TM9SF3: variants seen among roughly 807,000 people sequenced by gnomAD.
TM9SF3 encodes SM-11044-binding protein.
A neutral mutation model predicts 78.6 loss-of-function variants in TM9SF3; 14 were observed. The observed-to-expected ratio is 0.18, with a 90% CI of 0.12 to 0.28. The LOEUF is 0.28. TM9SF3 is among the 10% of genes least tolerant of loss of function. The probability of loss-of-function intolerance (pLI) is 1.00; values close to 1 mark genes in which losing one functional copy is unlikely to be tolerated. For synonymous variants in TM9SF3, 231 were observed against 241.7 expected (o/e 0.96, Z 0.41); for missense variants, 496 against 721.9 (o/e 0.69, Z 3.59).
rs77016318 is a variant in TM9SF3, at chr10:96,561,952, C to T, written c.582+26G>A. On this transcript the variant is annotated intron_variant, in intron 4 of 14. Transcript: ENST00000371142. ...GACATCGGGTCACAAACACTACTTC[C>T]TACATTAAACTATTTGAATACTTAC... The T allele has an allele frequency of 4.9e-4, 782 of 1,584,370 alleles. 8 individuals are homozygous for T. In the East Asian group the frequency reaches 0.013, roughly 27 times the overall value.
At chr10:96,528,213 T>A in intron 11 of TM9SF3, 36 bp from the exon 12 acceptor site, 1 of 1,578,174 alleles carries the variant, frequency 6.3e-7, no homozygotes, top group Non-Finnish European at 8.6e-7. Flanking sequence ...GTTTCCAGTC[T>A]TTATTCTTAA....
chr10:96,547,985 C>A lies in TM9SF3; in HGVS notation c.964G>T (p.Gly322Ter). Residue 322 changes from glycine (G) to a stop codon, truncating the protein, a stop_gained, in exon 8 of 15, where the codon GGA becomes TGA. Transcript: ENST00000371142. LOFTEE classifies it high-confidence loss of function. The part of the protein sequence containing the change: ...AMIEDLYTER[G>*]SMLSTAIFVY... ...AATATGGCTGTACTGAGCATTGATC[C>A]CCTCCTAAAAAGGCAAAAAAGAAAA... 1 of 1,585,956 alleles carries A rather than the reference C, an allele frequency of 6.3e-7. No homozygotes were observed. Among genetic ancestry groups the A allele is most frequent in the Non-Finnish European group, 8.5e-7 (1 of 1,170,048 alleles).
intron 5 of TM9SF3, among the ~76,000 whole-genome samples, chr10:96,553,287 A>G (rs11591933): frequency 0.11 from 16,546 of 152,266 alleles, 1,039 homozygotes; most frequent in Non-Finnish European, 0.15. Flanking sequence ...GCTATCATTT[A>G]TATAAATTTT....
Position 96,519,689 on chromosome 10 carries a change from T to C in TM9SF3, c.*2574A>G, listed in dbSNP as rs1847740434. 6.6e-6 allele frequency: 1 copy of C among 151,938 alleles called. No homozygotes were observed. Among genetic ancestry groups the C allele is most frequent in the Admixed American group, 6.6e-5 (1 of 15,252 alleles). 9.4% of individuals were successfully genotyped at this position (151,938 alleles called of 1,614,324 possible). A position where few individuals can be genotyped will look rare whatever the true frequency, so the allele number is the denominator to read the frequency against. On this transcript the variant is annotated 3_prime_UTR_variant, in exon 15 of 15. Coordinates refer to ENST00000371142, the MANE Select transcript of TM9SF3 (RefSeq NM_020123.4). ...AGTGGGGGTATAAAAACCTCACCTTTCAATTAACTTGAATAATGTTCTATT... is the reference window on the plus strand; with the variant it reads ...AGTGGGGGTATAAAAACCTCACCTTCCAATTAACTTGAATAATGTTCTATT...
chr10:96,565,469 A>G, intron 2 of TM9SF3, 43 bp from the exon 3 acceptor site: 1 of 1,516,684 alleles, frequency 6.6e-7, no homozygotes, highest in South Asian at 1.3e-5. Flanking sequence ...TAGTTTGCAA[A>G]ATAGTTACAT....
intron 2 of TM9SF3, among the ~76,000 whole-genome samples, chr10:96,572,752 G>A (rs1342056685): frequency 6.6e-6 from 1 of 151,736 alleles, no homozygotes; most frequent in Admixed American, 6.6e-5. Context: ...CCCTGACCTC[G>A]TGATCCACCC....
chr10:96,543,449 C>A (rs767427094), intron 9 of TM9SF3, among the ~76,000 whole-genome samples: 1 of 150,394 alleles, frequency 6.6e-6, no homozygotes, highest in Non-Finnish European at 1.5e-5. Flanking sequence ...ATTCTCCTGC[C>A]TCAGCCTCCT....
At chr10:96,566,254 A>C (rs1372315260) in intron 2 of TM9SF3, among the ~76,000 whole-genome samples, 1 of 152,234 alleles carries the variant, frequency 6.6e-6, no homozygotes, top group Admixed American at 6.5e-5. Context: ...TTTGTTTTTA[A>C]GTTCTATACT....
chr10:96,526,549 A>T (rs1847840176), intron 14 of TM9SF3, among the ~76,000 whole-genome samples: 1 of 152,140 alleles, frequency 6.6e-6, no homozygotes, highest in Non-Finnish European at 1.5e-5. Context: ...CACATGGTGA[A>T]AACTATTACC....
intron 14 of TM9SF3, among the ~76,000 whole-genome samples, chr10:96,524,891 C>T (rs983282166): frequency 1.3e-5 from 2 of 151,794 alleles, no homozygotes; most frequent in Non-Finnish European, 2.9e-5. Context: ...GTACTGAAGG[C>T]ATATAAACCC....
chr10:96,559,794 G>C, intron 4 of TM9SF3, 58 bp from the exon 5 acceptor site: 1 of 1,020,396 alleles, frequency 9.8e-7, no homozygotes, highest in South Asian at 1.6e-5. Context: ...ATAATCTGAT[G>C]ACAAAACTCT....
At chr10:96,569,909 G>A (rs1316538409) in intron 2 of TM9SF3, among the ~76,000 whole-genome samples, 2 of 152,146 alleles carry the variant, frequency 1.3e-5, no homozygotes, top group African/African-American at 2.4e-5. Flanking sequence ...GCGTGTGCCC[G>A]TAATCCCAGC....
At chr10:96,560,911 C>G (rs1236444422) in intron 4 of TM9SF3, 2 of 519,304 alleles carry the variant, frequency 3.9e-6, no homozygotes, top group East Asian at 1.0e-4. Context: ...AGCAAGTATA[C>G]AAAAAGTGCA....
chr10:96,567,481 A>G (rs978446900), intron 2 of TM9SF3, among the ~76,000 whole-genome samples: 3 of 152,022 alleles, frequency 2.0e-5, no homozygotes, highest in African/African-American at 7.2e-5. Flanking sequence ...CTCAAGCCAA[A>G]CTCAATTCCC....
chr10:96,537,182 T>C (rs1043502837), intron 9 of TM9SF3, among the ~76,000 whole-genome samples: 1 of 152,216 alleles, frequency 6.6e-6, no homozygotes, highest in African/African-American at 2.4e-5. Flanking sequence ...TGTACTCTCA[T>C]GTGCCACATA....
chr10:96,574,979 G>A (rs536927500), intron 2 of TM9SF3, among the ~76,000 whole-genome samples: 6 of 152,020 alleles, frequency 3.9e-5, no homozygotes, highest in East Asian at 3.9e-4. Flanking sequence ...CGTAGGTGAC[G>A]GGTTGATGGG....
At chr10:96,583,980 G>C (rs931405215) in intron 1 of TM9SF3, among the ~76,000 whole-genome samples, 3 of 94,898 alleles carry the variant, frequency 3.2e-5, no homozygotes, top group African/African-American at 8.6e-5. Flanking sequence ...ATTGCAGTGA[G>C]TGGACATTGT....
intron 5 of TM9SF3, 54 bp from the exon 6 acceptor site, chr10:96,553,113 C>A (rs1848193712): frequency 2.0e-6 from 3 of 1,497,566 alleles, no homozygotes; most frequent in South Asian, 1.4e-5. Context: ...CCACAAAATT[C>A]ATAGGTTCCA....
At chr10:96,575,684 A>C (rs190611740) in intron 2 of TM9SF3, among the ~76,000 whole-genome samples, 88 of 152,226 alleles carry the variant, frequency 5.8e-4, no homozygotes, top group African/African-American at 1.9e-3. Context: ...GGAGACAATG[A>C]AGTCAAAACT....
Sources: gnomAD v4.1 joint callset for allele counts (sites outside exome capture counted in the v4.1 genomes callset) on GRCh38, gnomAD v4.1.1 for gene constraint, MANE v1.5 for transcripts, NCBI Gene and HGNC (gene_info 2026-07-23, HGNC 2026-07-21) for gene names.